Variants in TYW1B observed in about 807,000 individuals in gnomAD.
The protein encoded by TYW1B is S-adenosyl-L-methionine-dependent tRNA 4-demethylwyosine synthase TYW1B.
A neutral mutation model predicts 86.9 loss-of-function variants in TYW1B; 73 were observed. That is an observed-to-expected ratio of 0.84 (90% confidence interval 0.70 to 1.02). TYW1B has a LOEUF of 1.02. TYW1B is among the 50% of genes least tolerant of loss of function. The pLI, the probability that TYW1B is intolerant of heterozygous loss-of-function variation, is 0.00. For missense variants in TYW1B, 637 were observed against 827.4 expected (o/e 0.77, Z 2.82); for synonymous variants, 248 against 292.8 (o/e 0.85, Z 1.56).
intron 11 of TYW1B, among the ~76,000 whole-genome samples, chr7:72,688,449 G>T (rs1472446631): frequency 6.6e-6 from 1 of 152,066 alleles, no homozygotes; most frequent in Non-Finnish European, 1.5e-5. Flanking sequence ...AAGACCAACT[G>T]GTAAAGCTGT....
intron 13 of TYW1B, among the ~76,000 whole-genome samples, chr7:72,578,053 T>G (rs1161390026): frequency 1.3e-5 from 2 of 151,758 alleles, no homozygotes; most frequent in African/African-American, 4.8e-5. Flanking sequence ...TGTGAATATA[T>G]GACCTTAACA....
chr7:72,752,007 T>C (rs567147290), intron 7 of TYW1B, among the ~76,000 whole-genome samples: 2 of 152,340 alleles, frequency 1.3e-5, no homozygotes, highest in African/African-American at 4.8e-5. Flanking sequence ...AGGCTGCTTT[T>C]GTGGCAGCTT....
intron 11 of TYW1B, among the ~76,000 whole-genome samples, chr7:72,632,388 GTATATATATATAATATATATATACA>G (rs71069095): frequency 2.8e-4 from 20 of 70,320 alleles, no homozygotes; most frequent in South Asian, 7.5e-4. Context: ...ATATATATAC[GTATATATATATAATATATATATACA>G]TATATATATA....
intron 11 of TYW1B, among the ~76,000 whole-genome samples, chr7:72,629,537 T>C (rs1585860567): frequency 6.6e-6 from 1 of 152,210 alleles, no homozygotes; most frequent in East Asian, 1.9e-4. Context: ...AGGGACTGGC[T>C]TTCTTTCTTT....
At chr7:72,661,909 TC>T (rs1239701920) in intron 11 of TYW1B, among the ~76,000 whole-genome samples, 4 of 152,080 alleles carry the variant, frequency 2.6e-5, no homozygotes, top group Admixed American at 2.0e-4. Flanking sequence ...ACTCTGCTTC[TC>T]TACTTCCCTA....
At chr7:72,802,821 A>C (rs1788426715) in intron 5 of TYW1B, among the ~76,000 whole-genome samples, 1 of 152,050 alleles carries the variant, frequency 6.6e-6, no homozygotes, top group Non-Finnish European at 1.5e-5. Flanking sequence ...GGGTTTCACC[A>C]TGTTGGCCAG....
At chr7:72,749,588 A>G (rs781959233) in intron 7 of TYW1B, among the ~76,000 whole-genome samples, 3 of 152,030 alleles carry the variant, frequency 2.0e-5, no homozygotes, top group Non-Finnish European at 4.4e-5. Flanking sequence ...CGCCGCACCC[A>G]GCCTCTTTCA....
At chr7:72,610,785 A>C (rs1811916492) in intron 13 of TYW1B, among the ~76,000 whole-genome samples, 1 of 152,216 alleles carries the variant, frequency 6.6e-6, no homozygotes, top group Admixed American at 6.5e-5. Context: ...CTATCGCAAC[A>C]GTGTTTTAAC....
At chr7:72,609,305 T>C (rs558072489) in intron 13 of TYW1B, among the ~76,000 whole-genome samples, 1 of 152,236 alleles carries the variant, frequency 6.6e-6, no homozygotes, top group Non-Finnish European at 1.5e-5. Context: ...ATGTCTGTAA[T>C]CCCAGCACTT....
chr7:72,691,388 G>C (rs1461129762), intron 11 of TYW1B, among the ~76,000 whole-genome samples: 2 of 152,168 alleles, frequency 1.3e-5, no homozygotes, highest in Non-Finnish European at 2.9e-5. Context: ...GAATTACATA[G>C]AGACAATAAT....
At chr7:72,624,202 A>G (rs1812288286) in intron 12 of TYW1B, among the ~76,000 whole-genome samples, 1 of 152,222 alleles carries the variant, frequency 6.6e-6, no homozygotes, top group Non-Finnish European at 1.5e-5. Flanking sequence ...GTTTAATCCT[A>G]TTGAACAGGA....
At chr7:72,601,616 G>A (rs1296060581) in intron 13 of TYW1B, among the ~76,000 whole-genome samples, 1 of 151,686 alleles carries the variant, frequency 6.6e-6, no homozygotes, top group Non-Finnish European at 1.5e-5. Context: ...CAACCAAGAT[G>A]TCCTTCAATA....
chr7:72,702,330 G>A (rs2129570447), intron 10 of TYW1B, among the ~76,000 whole-genome samples: 1 of 152,138 alleles, frequency 6.6e-6, no homozygotes, highest in Admixed American at 6.5e-5. Flanking sequence ...ACTCTGTTTT[G>A]CCCCCTCCCA....
At chr7:72,591,508 A>G (rs1250850997) in intron 13 of TYW1B, among the ~76,000 whole-genome samples, 1 of 152,228 alleles carries the variant, frequency 6.6e-6, no homozygotes, top group African/African-American at 2.4e-5. Context: ...CTAATCAGAC[A>G]TTTTGGAGCT....
chr7:72,827,552 G>A (rs750730980), intron 1 of TYW1B, among the ~76,000 whole-genome samples: 1 of 152,160 alleles, frequency 6.6e-6, no homozygotes, highest in Non-Finnish European at 1.5e-5. Flanking sequence ...TTAGAAGCAA[G>A]AGAAGGAACA....
At chr7:72,716,805 ATTTTT>A (rs71071904) in intron 9 of TYW1B, among the ~76,000 whole-genome samples, 20 of 136,450 alleles carry the variant, frequency 1.5e-4, no homozygotes, top group East Asian at 6.5e-4. Flanking sequence ...CGTCTGGCTA[ATTTTT>A]TTTTTTTTTT....
intron 13 of TYW1B, among the ~76,000 whole-genome samples, chr7:72,610,200 G>A (rs772892157): frequency 2.0e-5 from 3 of 152,138 alleles, no homozygotes; most frequent in Admixed American, 6.6e-5. Context: ...AAACCTCCAC[G>A]TTAGGGTATA....
intron 11 of TYW1B, among the ~76,000 whole-genome samples, chr7:72,649,529 T>C (rs1382444177): frequency 6.6e-6 from 1 of 152,200 alleles, no homozygotes; most frequent in Non-Finnish European, 1.5e-5. Context: ...CCGAGGATAC[T>C]GACAAAAGTA....
At chr7:72,720,845 C>T (rs1254691879) in intron 9 of TYW1B, among the ~76,000 whole-genome samples, 1 of 152,026 alleles carries the variant, frequency 6.6e-6, no homozygotes, top group Non-Finnish European at 1.5e-5. Context: ...GCGTGCTGCA[C>T]CCGTTAACTC....
Sources: allele counts gnomAD v4.1 joint callset (sites outside exome capture counted in the v4.1 genomes callset), GRCh38; gene constraint gnomAD v4.1.1; transcripts MANE v1.5; gene names NCBI Gene and HGNC (gene_info 2026-07-23, HGNC 2026-07-21).